Variants in OTUD7A observed in about 807,000 individuals in gnomAD.
The protein encoded by OTUD7A is OTU deubiquitinase 7A.
Under a neutral mutation model 65.7 loss-of-function variants are expected in OTUD7A, and 12 were observed. The observed-to-expected ratio is 0.18, with a 90% CI of 0.12 to 0.30. OTUD7A has a LOEUF of 0.30. Among genes scored for constraint, OTUD7A ranks in the 10% least tolerant of loss-of-function variants. The probability of loss-of-function intolerance (pLI) is 1.00; values close to 1 mark genes in which losing one functional copy is unlikely to be tolerated. For synonymous variants in OTUD7A, 641 were observed against 586.3 expected, an observed-to-expected ratio of 1.09 and a Z score of -1.35; for missense variants, 1,148 against 1,304.8, an observed-to-expected ratio of 0.88 and a Z score of 1.85.
chr15:31,817,244 C>T (rs1896572469), intron 1 of OTUD7A, among the ~76,000 whole-genome samples: 3 of 149,814 alleles, frequency 2.0e-5, no homozygotes, highest in Admixed American at 6.8e-5. Flanking sequence ...TCCAGTTTCT[C>T]CTGTTTGTAT....
intron 1 of OTUD7A, among the ~76,000 whole-genome samples, chr15:31,854,279 G>A (rs929125001): frequency 2.0e-5 from 3 of 152,084 alleles, no homozygotes; most frequent in African/African-American, 7.2e-5. Context: ...TGCTTCCCTT[G>A]TGATGACCTG....
chr15:31,826,482 C>T (rs1174926299), intron 1 of OTUD7A, among the ~76,000 whole-genome samples: 3 of 152,288 alleles, frequency 2.0e-5, no homozygotes, highest in East Asian at 1.9e-4. Flanking sequence ...GCCCAGCCCA[C>T]GAAACCACTT....
chr15:31,727,665 C>T (rs370533344), intron 1 of OTUD7A, among the ~76,000 whole-genome samples: 1 of 152,222 alleles, frequency 6.6e-6, no homozygotes, highest in East Asian at 1.9e-4. Flanking sequence ...TCCTCCAAGA[C>T]TATTCTTGCT....
In OTUD7A at chr15:31,695,999, C is replaced by T. The variant is rs373482641; in HGVS notation, c.-99-38922G>A. Among the ~76,000 whole-genome samples, 47 of 152,364 alleles carry T rather than the reference C, an allele frequency of 3.1e-4. No homozygotes were observed. In the East Asian group the frequency reaches 8.9e-3, roughly 29 times the overall value. On this transcript the variant is annotated intron_variant, in intron 1 of 12. Transcript: ENST00000307050. ...CACACACAGGCCTGTCCTTCTACTG[C>T]CCCACGGAGGAGAATTCTCCGCAGA...
At chr15:31,513,212 C>T (rs61102849) in intron 8 of OTUD7A, among the ~76,000 whole-genome samples, 2,109 of 152,322 alleles carry the variant, frequency 0.014, 61 homozygotes, top group African/African-American at 0.048. Context: ...TGGCAGCAAT[C>T]GAAACCTCAC....
chr15:31,869,443 T>C (rs1265257157), intron 1 of OTUD7A, among the ~76,000 whole-genome samples: 4 of 152,208 alleles, frequency 2.6e-5, no homozygotes, highest in African/African-American at 4.8e-5. Flanking sequence ...CTGTCAACCT[T>C]TTCCTGGACA....
intron 1 of OTUD7A, among the ~76,000 whole-genome samples, chr15:31,852,142 C>T (rs1218420821): frequency 6.6e-6 from 1 of 152,222 alleles, no homozygotes; most frequent in Non-Finnish European, 1.5e-5. Context: ...CAGGCATGAG[C>T]CACTGCGCCC....
At chr15:31,681,630 TCTGA>T (rs1276653913) in intron 1 of OTUD7A, among the ~76,000 whole-genome samples, 3 of 53,670 alleles carry the variant, frequency 5.6e-5, no homozygotes, top group African/African-American at 3.3e-4. Flanking sequence ...TACCTTTCTG[TCTGA>T]CTGTGTTTCA....
At chr15:31,562,475 A>G (rs1164161910) in intron 4 of OTUD7A, among the ~76,000 whole-genome samples, 1 of 152,114 alleles carries the variant, frequency 6.6e-6, no homozygotes, top group African/African-American at 2.4e-5. Flanking sequence ...GCCTTCCCAT[A>G]GAAACCACCT....
chr15:31,856,212 C>T (rs908050991), intron 1 of OTUD7A, among the ~76,000 whole-genome samples: 1 of 152,136 alleles, frequency 6.6e-6, no homozygotes, highest in Non-Finnish European at 1.5e-5. Flanking sequence ...TAATCTCCAA[C>T]AAGTATTCTA....
At chr15:31,526,173 C>T (rs760223650) in intron 8 of OTUD7A, among the ~76,000 whole-genome samples, 176 bp downstream of exon 8, 4 of 152,210 alleles carry the variant, frequency 2.6e-5, no homozygotes, top group Middle Eastern at 3.2e-3. Context: ...CAGCCATCAC[C>T]CACGGTCCTC....
chr15:31,758,051 T>A (rs994400798), intron 1 of OTUD7A, among the ~76,000 whole-genome samples: 1 of 152,230 alleles, frequency 6.6e-6, no homozygotes, highest in African/African-American at 2.4e-5. Flanking sequence ...TTTTATTTCA[T>A]ATGAATCCTA....
At chr15:31,835,742 A>G (rs1042934774) in intron 1 of OTUD7A, among the ~76,000 whole-genome samples, 6 of 152,148 alleles carry the variant, frequency 3.9e-5, no homozygotes, top group Non-Finnish European at 7.4e-5. Context: ...ACACACATAT[A>G]TATACATACA....
chr15:31,537,375 AAAGTT>A (rs1325442465), intron 5 of OTUD7A, among the ~76,000 whole-genome samples: 3 of 152,348 alleles, frequency 2.0e-5, no homozygotes, highest in Admixed American at 6.5e-5. Context: ...TTAACACTAC[AAAGTT>A]AAGTAGACGA....
chr15:31,727,599 T>G (rs1893927899), intron 1 of OTUD7A, among the ~76,000 whole-genome samples: 1 of 152,242 alleles, frequency 6.6e-6, no homozygotes, highest in Non-Finnish European at 1.5e-5. Context: ...GAAATTCCAA[T>G]GAATATCCTT....
intron 1 of OTUD7A, among the ~76,000 whole-genome samples, chr15:31,859,576 A>G (rs995783325): frequency 1.4e-4 from 22 of 152,162 alleles, no homozygotes; most frequent in African/African-American, 5.3e-4. Context: ...CTTGTGGGAT[A>G]ATATATAAGA....
At chr15:31,710,087 C>T (rs1324311001) in intron 1 of OTUD7A, among the ~76,000 whole-genome samples, 1 of 152,070 alleles carries the variant, frequency 6.6e-6, no homozygotes, top group Admixed American at 6.6e-5. Flanking sequence ...CTGGTCACCA[C>T]GAGTGTGCAC....
chr15:31,802,101 A>G (rs1896141918), intron 1 of OTUD7A, among the ~76,000 whole-genome samples: 2 of 140,878 alleles, frequency 1.4e-5, no homozygotes, highest in Non-Finnish European at 3.0e-5. Context: ...GTGTGTGTAT[A>G]TATGTGTGTG....
At chr15:31,688,441 C>T (rs929231180) in intron 1 of OTUD7A, among the ~76,000 whole-genome samples, 5 of 151,840 alleles carry the variant, frequency 3.3e-5, no homozygotes, top group African/African-American at 7.2e-5. Flanking sequence ...GTCAACATCA[C>T]GAAAGAGAAA....
Sources: allele counts gnomAD v4.1 joint callset (sites outside exome capture counted in the v4.1 genomes callset), GRCh38; gene constraint gnomAD v4.1.1; transcripts MANE v1.5; gene names NCBI Gene and HGNC (gene_info 2026-07-23, HGNC 2026-07-21).